The following ACCS variants were observed in gnomAD, a reference collection of about 807,000 sequenced individuals.
ACCS encodes 1-aminocyclopropane-1-carboxylate synthase homolog (inactive), also known as 1-aminocyclopropane-1-carboxylate synthase-like protein 1.
ACCS carries 42 observed loss-of-function variants against 59.8 expected under a neutral mutation model. That is an observed-to-expected ratio of 0.70 (90% CI 0.55 to 0.91). ACCS has a LOEUF of 0.91. ACCS is among the 40% of genes least tolerant of loss of function. The pLI, the probability that ACCS is intolerant of heterozygous loss-of-function variation, is 0.00. For missense variants in ACCS, 602 were observed against 630.4 expected (o/e 0.95, Z 0.48); for synonymous variants, 230 against 240.3 (o/e 0.96, Z 0.40).
chr11:44,078,789 G>A lies in ACCS; in HGVS notation c.833+5G>A. 6.2e-7 allele frequency: 1 copy of A among 1,613,582 alleles called. No individual in the cohort carries two copies. ...GTACCTGGTATTTGCCAAGAGGTGA[G>A]GCACCCCACACTGGCCCCGACAGAG... On this transcript the variant is annotated splice_donor_5th_base_variant and intron_variant, in intron 9 of 14. Transcript: ENST00000263776.
chr11:44,081,313 G>A lies in ACCS; in HGVS notation c.1104G>A (p.Arg368=). The stretch of plus-strand genomic sequence containing the variant: ...AGTACCAGATGGCACAGCTGCTCCG[G>A]GACCGTGGTGACTGCCTGGGCCTGG... The part of the protein sequence containing the change: ...LVQYQMAQLL[R]DRDWINQVYL... The change falls in exon 12 of 15, where the codon CGG becomes CGA. Residue 368 remains arginine, a synonymous_variant. Coordinates refer to ENST00000263776, the MANE Select transcript of ACCS (RefSeq NM_032592.4). The A allele has an allele frequency of 6.2e-7, 1 of 1,613,824 alleles. No individual in the cohort carries two copies. Among genetic ancestry groups the A allele is most frequent in the Non-Finnish European group, 8.5e-7 (1 of 1,179,780 alleles).
At chr11:44,071,597 G>A in intron 3 of ACCS, 1 of 355,296 alleles carries the variant, frequency 2.8e-6, no homozygotes, top group African/African-American at 2.0e-5. Flanking sequence ...AGTGCTTTGT[G>A]GTGTAGGTAT....
Position 44,081,048 on chromosome 11 carries a change from A to T in ACCS, c.952A>T (p.Met318Leu). ...RLPDPQRTHV[M>L]WATSKDFGMS... is the part of the protein sequence containing the mutation. ...CCCTGACCCCCAGAGGACCCATGTGATGTGGGCAACCAGCAAGGTGAGTTC... is the reference window on the plus strand; with the variant it reads ...CCCTGACCCCCAGAGGACCCATGTGTTGTGGGCAACCAGCAAGGTGAGTTC... The change falls in exon 11 of 15, where the codon ATG (methionine) becomes TTG (leucine). Residue 318 changes from methionine (M) to leucine (L), a missense_variant. By Grantham distance (15) the Met-to-Leu change is conservative (BLOSUM62 2). Coordinates refer to ENST00000263776, the MANE Select transcript of ACCS (RefSeq NM_032592.4). 1.2e-6 allele frequency: 2 copies of T among 1,614,036 alleles called. No individual in the cohort carries two copies. The highest frequency in any genetic ancestry group is 1.7e-6 in the Non-Finnish European group (2 of 1,180,004).
intron 6 of ACCS, among the ~76,000 whole-genome samples, chr11:44,076,539 G>C (rs764340333): frequency 3.9e-5 from 6 of 152,140 alleles, no homozygotes; most frequent in Admixed American, 1.3e-4. Flanking sequence ...ATTTCCTGCC[G>C]GTTCCAGAAC....
At chr11:44,080,246 C>T (rs914946752) in intron 10 of ACCS, among the ~76,000 whole-genome samples, 1 of 152,148 alleles carries the variant, frequency 6.6e-6, no homozygotes, top group African/African-American at 2.4e-5. Flanking sequence ...AAGTGGGGAC[C>T]AGATCATGTG....
chr11:44,075,551 C>T lies in ACCS; in HGVS notation c.515C>T (p.Ser172Leu), dbSNP rs1318620281. Residue 172 changes from serine to leucine, a missense_variant, in exon 6 of 15, where the codon TCG (serine) becomes TTG (leucine). Transcript: ENST00000263776. ...ENVVVLNGGA[S>L]LFSALATVLC... Reference sequence around the variant, plus strand: ...GTGGTTGTCCTGAATGGTGGTGCCTCGCTCTTCTCTGCTCTGGCCACGGTG... The same window carrying T: ...GTGGTTGTCCTGAATGGTGGTGCCTTGCTCTTCTCTGCTCTGGCCACGGTG... 8 of 1,614,170 alleles carry T rather than the reference C, an allele frequency of 5.0e-6. No homozygotes were observed. Among genetic ancestry groups the T allele is most frequent in the Non-Finnish European group, 5.1e-6 (6 of 1,180,038 alleles).
intron 2 of ACCS, among the ~76,000 whole-genome samples, chr11:44,070,255 G>A (rs1952988713): frequency 6.6e-6 from 1 of 152,202 alleles, no homozygotes; most frequent in Non-Finnish European, 1.5e-5. Flanking sequence ...GCTGTATGGA[G>A]ATTTGACTTG....
intron 2 of ACCS, among the ~76,000 whole-genome samples, chr11:44,068,401 C>A (rs1210854641): frequency 6.6e-6 from 1 of 152,052 alleles, no homozygotes; most frequent in Non-Finnish European, 1.5e-5. Context: ...AGTTTGAGAC[C>A]AGCCTGGGCA....
chr11:44,073,327 C>G (rs935159345), intron 3 of ACCS, 120 bp from the exon 4 acceptor site: 3 of 827,506 alleles, frequency 3.6e-6, no homozygotes, highest in South Asian at 2.9e-5. Context: ...AGCTGTCACT[C>G]TCTGCCCCTC....
intron 9 of ACCS, 25 bp downstream of exon 9, chr11:44,078,809 A>G (rs1405603863): frequency 6.2e-7 from 1 of 1,606,472 alleles, no homozygotes; most frequent in African/African-American, 1.3e-5. Flanking sequence ...ACTGGCCCCG[A>G]CAGAGCGTCT....
At chr11:44,074,709 C>T in intron 5 of ACCS, 28 bp downstream of exon 5, 1 of 1,359,682 alleles carries the variant, frequency 7.4e-7, no homozygotes, top group South Asian at 1.5e-5. Flanking sequence ...CTGCTCCTTC[C>T]TGTTCTCCTG....
chr11:44,072,476 C>G (rs1361920833), intron 3 of ACCS: 11 of 152,004 alleles, frequency 7.2e-5, no homozygotes, highest in Admixed American at 7.2e-4. Flanking sequence ...TTTTAAAGGC[C>G]TGTTTTACCT....
At chr11:44,079,737 GC>G in intron 10 of ACCS, 117 bp downstream of exon 10, 3 of 862,170 alleles carry the variant, frequency 3.5e-6, no homozygotes, top group Non-Finnish European at 3.7e-6. Context: ...TTTCCACCCA[GC>G]TGGTCCCACT....
At chr11:44,079,312 C>A in intron 9 of ACCS, 2 of 536,978 alleles carry the variant, frequency 3.7e-6, no homozygotes, top group Non-Finnish European at 6.7e-6. Flanking sequence ...TCCTTTTCTC[C>A]CCTGCAGTGC....
chr11:44,071,825 C>T (rs1953064671), intron 3 of ACCS: 1 of 152,448 alleles, frequency 6.6e-6, no homozygotes. Context: ...GTAAAAGGTA[C>T]TAGCAAATCA....
intron 5 of ACCS, 53 bp downstream of exon 5, chr11:44,074,734 C>CTTTCTTTCTTTCTTTCTTTCTT (rs1554993079): frequency 5.5e-6 from 3 of 548,372 alleles, no homozygotes; most frequent in Admixed American, 5.2e-5. Flanking sequence ...CCCTCTCCAT[C>CTTTCTTTCTTTCTTTCTTTCTT]TCTTTCTTTC....
At chr11:44,081,441 G>A (rs1036874596) in intron 12 of ACCS, 121 bp downstream of exon 12, 4 of 1,440,168 alleles carry the variant, frequency 2.8e-6, no homozygotes, top group Non-Finnish European at 2.8e-6. Flanking sequence ...GAGAGTGCCA[G>A]CTCTGAGCCC....
intron 2 of ACCS, among the ~76,000 whole-genome samples, chr11:44,069,755 C>G (rs1157807683): frequency 1.3e-5 from 2 of 152,174 alleles, no homozygotes; most frequent in Non-Finnish European, 2.9e-5. Flanking sequence ...GCAAGTGATT[C>G]AAGAGAGAAT....
intron 12 of ACCS, 150 bp from the exon 13 acceptor site, chr11:44,083,019 C>A: frequency 1.9e-6 from 2 of 1,055,686 alleles, no homozygotes; most frequent in Non-Finnish European, 2.8e-6. Flanking sequence ...ACCTCCCCTT[C>A]GTAATCCTTC....
Sources: gnomAD v4.1 joint callset for allele counts (sites outside exome capture counted in the v4.1 genomes callset) on GRCh38, gnomAD v4.1.1 for gene constraint, MANE v1.5 for transcripts, NCBI Gene and HGNC (gene_info 2026-07-23, HGNC 2026-07-21) for gene names.